ACSM2B: variants seen among roughly 807,000 people sequenced by gnomAD.
ACSM2B encodes the protein acyl-CoA synthetase medium chain family member 2B, also known as acyl-coenzyme A synthetase ACSM2B, mitochondrial.
A neutral mutation model predicts 78.6 loss-of-function variants in ACSM2B; 58 were observed. The ratio of observed to expected loss-of-function variants is 0.74; its 90% confidence interval spans 0.60 to 0.92. ACSM2B has a LOEUF of 0.92. Ranked by LOEUF, ACSM2B falls within the 40% of genes least tolerant of loss-of-function variation. ACSM2B has a pLI of 0.00. For synonymous variants in ACSM2B, 257 were observed against 256.8 expected (o/e 1.00, Z -0.01); for missense variants, 688 against 711.2 (o/e 0.97, Z 0.37).
At chr16:20,557,442 C>A (rs987095307) in intron 3 of ACSM2B, among the ~76,000 whole-genome samples, 3 of 103,546 alleles carry the variant, frequency 2.9e-5, no homozygotes, top group Non-Finnish European at 4.6e-5. Flanking sequence ...TTATCTCCAT[C>A]TCTACTACCT....
At chr16:20,562,506 C>T (rs900749401) in intron 2 of ACSM2B, among the ~76,000 whole-genome samples, 2 of 152,140 alleles carry the variant, frequency 1.3e-5, no homozygotes, top group Admixed American at 1.3e-4. Flanking sequence ...TTTGTTCTTG[C>T]TCATTCGTGG....
intron 12 of ACSM2B, chr16:20,542,591 T>A: frequency 3.1e-6 from 1 of 327,654 alleles, no homozygotes; most frequent in South Asian, 5.3e-5. Context: ...GATATGCTGA[T>A]TTCTTTTCCT....
intron 10 of ACSM2B, among the ~76,000 whole-genome samples, chr16:20,544,121 C>T (rs2015072091): frequency 6.6e-6 from 1 of 152,160 alleles, no homozygotes; most frequent in Non-Finnish European, 1.5e-5. Context: ...AAGCCCATGA[C>T]ATAGTACTTC....
In ACSM2B at chr16:20,543,044, T is replaced by G. The variant is rs758740857; in HGVS notation, c.1410-31A>C. The G allele has an allele frequency of 1.3e-5, 21 of 1,613,422 alleles. No individual in the cohort carries two copies. In the East Asian group the frequency reaches 4.7e-4, roughly 36 times the overall value. On this transcript the variant is annotated intron_variant, in intron 11 of 13. Transcript: ENST00000329697. The stretch of plus-strand genomic sequence containing the variant: ...GAAGAACCTGTCCTTCAGAGAACAC[T>G]GGACACCGAACCTCTAGGCCATTCC...
intron 6 of ACSM2B, chr16:20,549,865 G>A (rs1328936044): frequency 2.3e-6 from 1 of 436,798 alleles, no homozygotes; most frequent in Non-Finnish European, 4.5e-6. Context: ...AATTGGTTGA[G>A]TTGATCTAAA....
chr16:20,547,686 C>T, intron 8 of ACSM2B: 4 of 1,089,194 alleles, frequency 3.7e-6, no homozygotes, highest in Non-Finnish European at 3.4e-6. Flanking sequence ...GTTTGATAAA[C>T]TTTGGTCTCT....
intron 5 of ACSM2B, 87 bp from the exon 6 acceptor site, chr16:20,552,384 G>T (rs2015342432): frequency 4.6e-6 from 7 of 1,520,208 alleles, no homozygotes; most frequent in Non-Finnish European, 6.2e-6. Context: ...AGGAAAGGGA[G>T]GTGTGTGTGC....
At chr16:20,572,464 C>T (rs1002207006) in intron 1 of ACSM2B, among the ~76,000 whole-genome samples, 2 of 134,516 alleles carry the variant, frequency 1.5e-5, no homozygotes, top group Non-Finnish European at 3.0e-5. Flanking sequence ...GACAGGTTTT[C>T]CTTTATAGAT....
intron 5 of ACSM2B, among the ~76,000 whole-genome samples, chr16:20,552,666 G>A (rs770344026): frequency 6.6e-6 from 1 of 152,158 alleles, no homozygotes; most frequent in Non-Finnish European, 1.5e-5. Context: ...TCTAACAGAT[G>A]CCTTGCCAAG....
intron 10 of ACSM2B, 28 bp downstream of exon 10, chr16:20,545,129 A>G (rs2015097012): frequency 6.2e-7 from 1 of 1,600,292 alleles, no homozygotes; most frequent in South Asian, 1.1e-5. Context: ...TCACTGGGGA[A>G]CAGAGGAGGA....
intron 8 of ACSM2B, chr16:20,546,685 A>C: frequency 1.3e-6 from 1 of 782,724 alleles, no homozygotes. Context: ...GAAGCAACCC[A>C]TCTACCACTC....
At chr16:20,570,619 G>A (rs191543537) in intron 1 of ACSM2B, among the ~76,000 whole-genome samples, 3 of 151,782 alleles carry the variant, frequency 2.0e-5, no homozygotes, top group Admixed American at 6.6e-5. Flanking sequence ...GTGGAATAGC[G>A]TCGATAGGAT....
intron 2 of ACSM2B, among the ~76,000 whole-genome samples, chr16:20,562,512 C>T (rs535633643): frequency 3.3e-4 from 50 of 152,124 alleles, no homozygotes; most frequent in Non-Finnish European, 6.5e-4. Flanking sequence ...CTTGCTCATT[C>T]GTGGACATAG....
intron 1 of ACSM2B, among the ~76,000 whole-genome samples, chr16:20,568,736 T>C (rs1410479921): frequency 2.0e-5 from 3 of 151,852 alleles, no homozygotes; most frequent in Non-Finnish European, 2.9e-5. Flanking sequence ...CTATAATTTT[T>C]TTTGTTTTTT....
intron 6 of ACSM2B, among the ~76,000 whole-genome samples, chr16:20,551,705 C>T (rs942105408): frequency 1.8e-4 from 28 of 152,104 alleles, no homozygotes; most frequent in African/African-American, 3.1e-4. Flanking sequence ...GCACTCTGTG[C>T]ACTTTACCTT....
intron 10 of ACSM2B, chr16:20,544,564 A>G: frequency 1.1e-5 from 11 of 984,376 alleles, no homozygotes; most frequent in Non-Finnish European, 1.3e-5. Context: ...TTATTAGTCA[A>G]TTATCTCAGG....
intron 1 of ACSM2B, among the ~76,000 whole-genome samples, chr16:20,565,551 C>A (rs1567217254): frequency 6.6e-6 from 1 of 152,098 alleles, no homozygotes; most frequent in Admixed American, 6.6e-5. Flanking sequence ...CAAATGTTAA[C>A]TAATACAAGT....
At chr16:20,548,575 T>C in intron 6 of ACSM2B, 102 bp from the exon 7 acceptor site, 1 of 1,592,148 alleles carries the variant, frequency 6.3e-7, no homozygotes, top group Non-Finnish European at 8.6e-7. Context: ...TGTAGAGGTC[T>C]GGATGAAAAC....
At position 20,564,926 on chromosome 16, in the gene ACSM2B, G is replaced by T. The variant is rs1164814645; in HGVS notation, c.-8-73C>A. Reference sequence around the variant, plus strand: ...CTCTACTGATCATCAGCGGCTTCAGGAGATTCATCCCAACCTTATAGGATT... The same window carrying T: ...CTCTACTGATCATCAGCGGCTTCAGTAGATTCATCCCAACCTTATAGGATT... On this transcript the variant is annotated intron_variant, in intron 1 of 13. Coordinates refer to ENST00000329697, the MANE Select transcript of ACSM2B (RefSeq NM_001105069.2). 4.6e-6 allele frequency: 7 copies of T among 1,519,390 alleles called. No homozygotes were observed. The African/African-American group carries it at 9.7e-5, about 21-fold the overall frequency. 94.1% of individuals were successfully genotyped at this position (1,519,390 alleles called of 1,614,324 possible).
Sources: allele counts gnomAD v4.1 joint callset (sites outside exome capture counted in the v4.1 genomes callset), GRCh38; gene constraint gnomAD v4.1.1; transcripts MANE v1.5; gene names NCBI Gene and HGNC (gene_info 2026-07-23, HGNC 2026-07-21).